CHUK: variants seen among roughly 807,000 people sequenced by gnomAD.
The protein encoded by CHUK is inhibitor of nuclear factor kappa-B kinase subunit alpha.
CHUK carries 35 observed loss-of-function variants against 104.8 expected under a neutral mutation model. The observed-to-expected ratio is 0.33, with a 90% CI of 0.26 to 0.44. The LOEUF (loss-of-function observed/expected upper bound fraction) is 0.44, where lower values mean the gene tolerates loss of function less well. Ranked by LOEUF, CHUK falls within the 20% of genes least tolerant of loss-of-function variation. CHUK has a pLI of 1.00. For synonymous variants in CHUK, 276 were observed against 291.9 expected (o/e 0.95, Z 0.56); for missense variants, 663 against 902.7 (o/e 0.73, Z 3.40).
rs959163320 is a variant in CHUK at position 100,211,303 on chromosome 10, C to T, written c.934-1514G>A. Among the ~76,000 whole-genome samples the T allele has an allele frequency of 3.3e-5, 5 of 152,084 alleles. No homozygotes were observed. In the South Asian group the frequency reaches 1.0e-3, roughly 32 times the overall value. On this transcript the variant is annotated intron_variant, in intron 9 of 20. Coordinates refer to ENST00000370397, the MANE Select transcript of CHUK (RefSeq NM_001278.5). The stretch of plus-strand genomic sequence containing the variant: ...TTTATTTTGTGACAATTTAATTTGA[C>T]ATATAAAAATGTTATATATTTGAGT...
chr10:100,225,373 AT>A (rs1344013455), intron 2 of CHUK, among the ~76,000 whole-genome samples: 1 of 152,190 alleles, frequency 6.6e-6, no homozygotes, highest in African/African-American at 2.4e-5. Flanking sequence ...TGACTGGCTT[AT>A]TTCATTTAGC....
In CHUK at chr10:100,193,406, A is replaced by T; in HGVS notation, c.2000T>A (p.Val667Glu). The T allele has an allele frequency of 6.2e-7, 1 of 1,614,166 alleles. No individual in the cohort carries two copies. Among genetic ancestry groups the T allele is most frequent in the African/African-American group, 1.3e-5 (1 of 75,058 alleles). Residue 667 changes from valine to glutamate, a missense_variant, in exon 19 of 21, where the codon GTA becomes GAA. Physicochemically the swap from Val to Glu is moderately radical, Grantham distance 121. This residue lies in a region of CHUK where 311 missense variants were observed against 393.4 expected (regional missense o/e 0.79). Transcript: ENST00000370397. ...TACTGCACCTTCTAGACTGGATCCT[A>T]CAAGGGACCGGGCAGAACTCTGTGT... ...ACTQSSARSL[V>E]GSSLEGAVTP...
chr10:100,206,107 GT>G (rs1253994294), intron 11 of CHUK, among the ~76,000 whole-genome samples: 3 of 151,988 alleles, frequency 2.0e-5, no homozygotes, highest in African/African-American at 7.3e-5. Context: ...AATGTAATGT[GT>G]TCTAAGATGA....
intron 9 of CHUK, among the ~76,000 whole-genome samples, chr10:100,216,989 T>C (rs1342431684): frequency 6.6e-6 from 1 of 152,152 alleles, no homozygotes; most frequent in Non-Finnish European, 1.5e-5. Context: ...AGCCTTTAAA[T>C]GACAAATTTT....
chr10:100,222,308 G>A, intron 3 of CHUK, 127 bp from the exon 4 acceptor site: 1 of 644,086 alleles, frequency 1.6e-6, no homozygotes, highest in Non-Finnish European at 2.8e-6. Context: ...AAATACAAGG[G>A]AATAAAATTA....
At chr10:100,217,894 A>G in intron 9 of CHUK, 101 bp downstream of exon 9, 1 of 1,190,448 alleles carries the variant, frequency 8.4e-7, no homozygotes, top group Non-Finnish European at 1.2e-6. Context: ...ATAAATAAAT[A>G]AGCAACAGGA....
chr10:100,214,498 T>C (rs1347657001), intron 9 of CHUK, among the ~76,000 whole-genome samples: 2 of 152,120 alleles, frequency 1.3e-5, no homozygotes, highest in Non-Finnish European at 2.9e-5. Context: ...GAGCTAAACT[T>C]TGAAATGAAA....
intron 14 of CHUK, 117 bp from the exon 15 acceptor site, chr10:100,200,897 A>G: frequency 1.4e-6 from 1 of 705,944 alleles, no homozygotes; most frequent in Admixed American, 2.0e-5. Context: ...ACTAAATAAT[A>G]TAATACGAAA....
rs1422777068 is a variant in CHUK, at chr10:100,224,529, CG to C, written c.200+1393del. On this transcript the variant is annotated intron_variant, in intron 2 of 20. Coordinates refer to ENST00000370397, the MANE Select transcript of CHUK (RefSeq NM_001278.5). ...TCAGCTTACCGCAACCTCCGCCTCCCGGGTTCAAGCAATTCTCCTCCCTCGG... is the reference window on the plus strand; with the variant it reads ...TCAGCTTACCGCAACCTCCGCCTCCCGGTTCAAGCAATTCTCCTCCCTCGG... Among the ~76,000 whole-genome samples, 5 of 150,720 alleles carry C rather than the reference CG, an allele frequency of 3.3e-5. No individual in the cohort carries two copies. The East Asian group carries it at 1.0e-3, about 30-fold the overall frequency.
At chr10:100,210,118 C>T (rs1321693789) in intron 9 of CHUK, among the ~76,000 whole-genome samples, 1 of 140,120 alleles carries the variant, frequency 7.1e-6, no homozygotes, top group Non-Finnish European at 1.5e-5. Flanking sequence ...GACGGAGTCT[C>T]GCTCTGTCGC....
rs760789968 is a variant in CHUK, at chr10:100,193,332, G to A, written c.2074C>T (p.His692Tyr). Residue 692 changes from histidine to tyrosine, a missense_variant, in exon 19 of 21, where the codon CAT becomes TAT. His to Tyr is a moderately conservative substitution (Grantham distance 83). Transcript: ENST00000370397. ...GGAGTTACCACACATGACAGAGAAT[G>A]ATCATGTTCTGCTGAAGTCGGGGGC... ...WLPPTSAEHD[H>Y]SLSCVVTPQD... 2 of 1,614,074 alleles carry A rather than the reference G, an allele frequency of 1.2e-6. No individual in the cohort carries two copies. The highest frequency in any genetic ancestry group is 4.5e-5 in the East Asian group (2 of 44,888).
chr10:100,224,693 TC>T (rs1846066555), intron 2 of CHUK, among the ~76,000 whole-genome samples: 1 of 152,086 alleles, frequency 6.6e-6, no homozygotes, highest in Non-Finnish European at 1.5e-5. Flanking sequence ...CGCCTTGGCC[TC>T]CCAAAGTGCT....
chr10:100,227,964 T>C (rs1391167255), intron 1 of CHUK, among the ~76,000 whole-genome samples: 1 of 152,256 alleles, frequency 6.6e-6, no homozygotes, highest in Non-Finnish European at 1.5e-5. Flanking sequence ...ATTTATCCTT[T>C]ACAAAACCAT....
chr10:100,189,496 C>T lies in CHUK; in HGVS notation c.*102G>A, dbSNP rs1845144773. ...AGTTTCTGTTCATAGCCATTTCTTC[C>T]ATTGACTGATGTCTGAAGAATGGTT... On this transcript the variant is annotated 3_prime_UTR_variant, in exon 21 of 21. Coordinates refer to ENST00000370397, the MANE Select transcript of CHUK (RefSeq NM_001278.5). 3 of 879,816 alleles carry T rather than the reference C, an allele frequency of 3.4e-6. No homozygotes were observed. Among genetic ancestry groups the T allele is most frequent in the Non-Finnish European group, 5.9e-6 (3 of 511,272 alleles). The allele number at this position is 879,816 out of a possible 1,614,324, so 54.5% of individuals were successfully genotyped here.
At chr10:100,215,827 C>T (rs1355076412) in intron 9 of CHUK, among the ~76,000 whole-genome samples, 2 of 152,144 alleles carry the variant, frequency 1.3e-5, no homozygotes, top group Non-Finnish European at 2.9e-5. Context: ...TGCTTCTGTA[C>T]TTTTGCTCAT....
intron 13 of CHUK, 122 bp from the exon 14 acceptor site, chr10:100,202,271 G>C (rs1308309373): frequency 2.7e-6 from 2 of 727,296 alleles, no homozygotes; most frequent in Non-Finnish European, 5.0e-6. Context: ...TCCCCCAAAA[G>C]ATATGTGGAA....
chr10:100,192,659 A>G (rs1433336227), intron 19 of CHUK: 26 of 986,708 alleles, frequency 2.6e-5, no homozygotes, highest in Non-Finnish European at 3.0e-5. Context: ...CAAGCTAGCA[A>G]AGAGCCACTG....
At chr10:100,204,711 G>C in intron 12 of CHUK, 54 bp from the exon 13 acceptor site, 1 of 1,418,156 alleles carries the variant, frequency 7.1e-7, no homozygotes, top group Non-Finnish European at 9.8e-7. Context: ...TCAGCATTCA[G>C]AAACATTGAA....
intron 14 of CHUK, among the ~76,000 whole-genome samples, chr10:100,201,063 G>A (rs1230215905): frequency 6.6e-6 from 1 of 152,014 alleles, no homozygotes; most frequent in African/African-American, 2.4e-5. Flanking sequence ...AGCTACAACA[G>A]GTATCAACTA....
Sources: gnomAD v4.1 joint callset for allele counts (sites outside exome capture counted in the v4.1 genomes callset) on GRCh38, gnomAD v4.1.1 for gene constraint, gnomAD v4.1.1 regional missense constraint, MANE v1.5 for transcripts, NCBI Gene and HGNC (gene_info 2026-07-23, HGNC 2026-07-21) for gene names.